Variants in NCR1 observed in about 807,000 individuals in gnomAD.
The protein encoded by NCR1 is natural cytotoxicity triggering receptor 1.
Under a neutral mutation model 32.5 loss-of-function variants are expected in NCR1, and 30 were observed. The observed-to-expected ratio is 0.92, with a 90% confidence interval of 0.69 to 1.25. The LOEUF (loss-of-function observed/expected upper bound fraction) is 1.25, where lower values mean the gene tolerates loss of function less well. NCR1 is among the 50% of genes most tolerant of loss of function. The pLI is 0.00. For missense variants in NCR1, 369 were observed against 380.7 expected (o/e 0.97, Z 0.26); for synonymous variants, 169 against 143.4 (o/e 1.18, Z -1.28).
the NCR1 span, chr19:54,930,474 A>G: frequency 6.5e-7 from 1 of 1,545,570 alleles, no homozygotes; most frequent in South Asian, 1.1e-5. Flanking sequence ...AAAAAGAAAG[A>G]AAGAAGAAAA....
chr19:54,898,509 A>T, the NCR1 span, among the ~76,000 whole-genome samples: 1 of 151,942 alleles, frequency 6.6e-6, no homozygotes, highest in East Asian at 1.9e-4. Flanking sequence ...GGCTGCCTCT[A>T]CTCTATTACT....
At chr19:54,919,679 CAG>C (rs1300690960), downstream of NCR1, among the ~76,000 whole-genome samples, 5 of 149,618 alleles carry the variant, frequency 3.3e-5, no homozygotes, top group African/African-American at 7.4e-5. Context: ...GGTGGAGGAG[CAG>C]AGTCTTCTCT....
At chr19:54,914,590 C>T (rs1453816768), downstream of NCR1, among the ~76,000 whole-genome samples, 1 of 152,034 alleles carries the variant, frequency 6.6e-6, no homozygotes, top group Non-Finnish European at 1.5e-5. Flanking sequence ...CCACCAGCCT[C>T]GGCCTCCCAA....
At chr19:54,938,079 G>A in the NCR1 span, 2,971 of 1,614,014 alleles carry the variant, frequency 1.8e-3, 17 homozygotes, top group Middle Eastern at 0.023. Context: ...TACGGGTTAC[G>A]TGGTCACAAA....
chr19:54,913,651 GC>G (rs1264931247), downstream of NCR1, among the ~76,000 whole-genome samples: 2 of 152,154 alleles, frequency 1.3e-5, no homozygotes, highest in Non-Finnish European at 2.9e-5. Context: ...AGTGAATCCT[GC>G]CAGGCACGGT....
chr19:54,914,771 ACT>A (rs2068099900), downstream of NCR1, among the ~76,000 whole-genome samples: 6 of 141,702 alleles, frequency 4.2e-5, no homozygotes, highest in Admixed American at 4.4e-4. Context: ...AGACAGTCTC[ACT>A]CTGTAGCCCA....
At chr19:54,911,488 C>T (rs1027441391) in intron 5 of NCR1, among the ~76,000 whole-genome samples, 1 of 151,816 alleles carries the variant, frequency 6.6e-6, no homozygotes, top group African/African-American at 2.4e-5. Context: ...CGGGTGGCTC[C>T]TGCATGTAAT....
intron 3 of NCR1, among the ~76,000 whole-genome samples, chr19:54,908,985 G>C (rs1273298262): frequency 4.0e-5 from 5 of 124,662 alleles, no homozygotes; most frequent in Non-Finnish European, 8.6e-5. Flanking sequence ...GTGTGTATTT[G>C]ACCAAAATAA....
chr19:54,912,790 C>G lies in NCR1; in HGVS notation c.834C>G (p.Leu278=). 1 of 1,613,958 alleles carries G rather than the reference C, an allele frequency of 6.2e-7. No homozygotes were observed. Among genetic ancestry groups the G allele is most frequent in the Non-Finnish European group, 8.5e-7 (1 of 1,180,010 alleles). ...TGTGGTTCCTGGTTGAAGACTGGCT[C>G]AGCAGGAAGAGGACTAGAGAGCGAG... ...ALVWFLVEDW[L]SRKRTRERAS... The change falls in exon 7 of 7, where the codon CTC becomes CTG. Residue 278 remains leucine (L), a synonymous_variant. Transcript: ENST00000291890.
At chr19:54,901,293 A>C (rs1378749519), upstream of NCR1, among the ~76,000 whole-genome samples, 2 of 145,278 alleles carry the variant, frequency 1.4e-5, no homozygotes, top group Admixed American at 1.4e-4. Context: ...CCCCGGAGGC[A>C]GAGCTTGCAG....
the NCR1 span, among the ~76,000 whole-genome samples, chr19:54,935,779 T>C: frequency 1.3e-5 from 2 of 151,626 alleles, no homozygotes; most frequent in South Asian, 2.1e-4. Flanking sequence ...TGATCTGAGA[T>C]TGATGATCCA....
At chr19:54,927,821 G>A in the NCR1 span, 6 of 1,573,574 alleles carry the variant, frequency 3.8e-6, no homozygotes, top group Admixed American at 6.7e-5. Context: ...TGAGCAGGTA[G>A]TGGCTCAAGC....
the NCR1 span, among the ~76,000 whole-genome samples, chr19:54,925,850 A>G: frequency 6.6e-6 from 1 of 151,878 alleles, no homozygotes; most frequent in African/African-American, 2.4e-5. Flanking sequence ...AATACAAAAA[A>G]TTAGCCGGGC....
the NCR1 span, among the ~76,000 whole-genome samples, chr19:54,936,004 C>T: frequency 6.6e-6 from 1 of 152,106 alleles, no homozygotes; most frequent in Non-Finnish European, 1.5e-5. Flanking sequence ...AAGGTGCAGT[C>T]AGGAATAGCA....
At chr19:54,935,601 C>T in the NCR1 span, among the ~76,000 whole-genome samples, 3 of 150,966 alleles carry the variant, frequency 2.0e-5, no homozygotes, top group Admixed American at 2.0e-4. Context: ...GAAGCTGAGG[C>T]AGAACTGCTT....
the NCR1 span, among the ~76,000 whole-genome samples, chr19:54,923,041 G>A: frequency 1.3e-5 from 2 of 152,248 alleles, no homozygotes; most frequent in Admixed American, 6.5e-5. Context: ...CAGAACCAGC[G>A]TGAGGCAGGG....
At chr19:54,932,555 C>A in the NCR1 span, among the ~76,000 whole-genome samples, 1 of 152,172 alleles carries the variant, frequency 6.6e-6, no homozygotes, top group Non-Finnish European at 1.5e-5. Context: ...GTAGCTCACG[C>A]TGGGCTTCTT....
chr19:54,928,164 G>A, the NCR1 span, among the ~76,000 whole-genome samples: 2 of 152,100 alleles, frequency 1.3e-5, no homozygotes, highest in Non-Finnish European at 2.9e-5. Context: ...AGGTTACAGT[G>A]AGCCCAGATT....
the NCR1 span, among the ~76,000 whole-genome samples, chr19:54,923,170 G>A: frequency 2.0e-5 from 3 of 152,220 alleles, no homozygotes; most frequent in South Asian, 4.1e-4. Flanking sequence ...GCCTCCGCAG[G>A]TGCCAGCCAG....
Sources: gnomAD v4.1 joint callset for allele counts (sites outside exome capture counted in the v4.1 genomes callset) on GRCh38, gnomAD v4.1.1 for gene constraint, MANE v1.5 for transcripts, NCBI Gene and HGNC (gene_info 2026-07-23, HGNC 2026-07-21) for gene names.